The following NEGR1 variants were observed in gnomAD, a reference collection of about 807,000 sequenced individuals.
The protein encoded by NEGR1 is IgLON family member 4.
Under a neutral mutation model 40.9 loss-of-function variants are expected in NEGR1, and 10 were observed. The ratio of observed to expected loss-of-function variants is 0.24; its 90% CI spans 0.15 to 0.42. NEGR1 has a LOEUF of 0.42. Ranked by LOEUF, NEGR1 falls within the 10% of genes least tolerant of loss-of-function variation. The pLI is 1.00. For synonymous variants in NEGR1, 185 were observed against 166.8 expected, an observed-to-expected ratio of 1.11 and a Z score of -0.84; for missense variants, 352 against 438.9, an observed-to-expected ratio of 0.80 and a Z score of 1.77.
chr1:71,802,839 T>G (rs560827217), intron 2 of NEGR1, among the ~76,000 whole-genome samples: 1 of 152,270 alleles, frequency 6.6e-6, no homozygotes, highest in East Asian at 1.9e-4. Context: ...GTTTCACAGG[T>G]TCATAGCTGG....
intron 6 of NEGR1, among the ~76,000 whole-genome samples, chr1:71,510,077 C>T (rs74088141): frequency 0.037 from 5,671 of 152,176 alleles, 366 homozygotes; most frequent in African/African-American, 0.13. Flanking sequence ...GAATTAATGA[C>T]CCATTAATGG....
At chr1:71,856,660 C>A (rs1205611317) in intron 2 of NEGR1, among the ~76,000 whole-genome samples, 1 of 151,936 alleles carries the variant, frequency 6.6e-6, no homozygotes, top group Admixed American at 6.6e-5. Context: ...ATCTGTCTAC[C>A]CATCCATTTA....
chr1:71,592,724 A>G (rs1570077394), intron 6 of NEGR1, 93 bp downstream of exon 6: 4 of 996,960 alleles, frequency 4.0e-6, no homozygotes, highest in Non-Finnish European at 3.0e-6. Flanking sequence ...TTGAGTTTTA[A>G]AATGAACGTA....
chr1:71,946,428 T>C (rs1469808072), intron 1 of NEGR1, among the ~76,000 whole-genome samples: 5 of 152,156 alleles, frequency 3.3e-5, no homozygotes, highest in Admixed American at 2.6e-4. Context: ...CTATAATTTC[T>C]TACTACTATC....
chr1:71,660,810 C>T (rs899778420), intron 4 of NEGR1, among the ~76,000 whole-genome samples: 25 of 152,100 alleles, frequency 1.6e-4, no homozygotes, highest in African/African-American at 5.8e-4. Context: ...ATCAACCCGT[C>T]ATCCACATTA....
intron 1 of NEGR1, among the ~76,000 whole-genome samples, chr1:72,064,146 G>A (rs927970430): frequency 1.4e-4 from 22 of 151,810 alleles, no homozygotes; most frequent in Admixed American, 4.6e-4. Context: ...CTTTTAAGTC[G>A]GATGCAGAGA....
intron 5 of NEGR1, among the ~76,000 whole-genome samples, chr1:71,597,704 C>T (rs1055451835): frequency 6.6e-5 from 10 of 151,420 alleles, no homozygotes; most frequent in Non-Finnish European, 1.0e-4. Flanking sequence ...GTCAGGAGTT[C>T]GATACCAGCC....
chr1:71,999,678 T>TATATATATACAC (rs1457710237), intron 1 of NEGR1, among the ~76,000 whole-genome samples: 1 of 49,876 alleles, frequency 2.0e-5, no homozygotes, highest in Non-Finnish European at 4.1e-5. Context: ...TATATATATA[T>TATATATATACAC]ACATACATAT....
intron 4 of NEGR1, among the ~76,000 whole-genome samples, chr1:71,655,128 C>T (rs1217319673): frequency 6.6e-6 from 1 of 152,112 alleles, no homozygotes; most frequent in Non-Finnish European, 1.5e-5. Context: ...TGCTTGTATT[C>T]ATTTATTCAA....
chr1:72,235,183 A>G (rs1328718947), intron 1 of NEGR1, among the ~76,000 whole-genome samples: 1 of 152,156 alleles, frequency 6.6e-6, no homozygotes, highest in African/African-American at 2.4e-5. Context: ...GTATCACCGC[A>G]AATTTCAGAA....
At chr1:71,812,771 AATTTGTTTAAAGTCCTTGTAG>A (rs1221941510) in intron 2 of NEGR1, among the ~76,000 whole-genome samples, 3 of 151,762 alleles carry the variant, frequency 2.0e-5, no homozygotes, top group Non-Finnish European at 4.4e-5. Context: ...TTTTCTTGTA[AATTTGTTTAAAGTCCTTGTAG>A]ATCCCAGATA....
At chr1:72,206,889 G>C (rs1361263241) in intron 1 of NEGR1, among the ~76,000 whole-genome samples, 1 of 151,906 alleles carries the variant, frequency 6.6e-6, no homozygotes, top group Non-Finnish European at 1.5e-5. Flanking sequence ...AAATATCAAA[G>C]AGATTGCAGT....
At chr1:72,010,967 T>G (rs941882035) in intron 1 of NEGR1, among the ~76,000 whole-genome samples, 2 of 151,418 alleles carry the variant, frequency 1.3e-5, no homozygotes, top group East Asian at 3.9e-4. Flanking sequence ...AGAATTTTAG[T>G]GCAATTAACA....
chr1:71,775,844 G>C (rs1017133287), intron 3 of NEGR1, among the ~76,000 whole-genome samples: 1 of 151,536 alleles, frequency 6.6e-6, no homozygotes, highest in Admixed American at 6.6e-5. Context: ...TACAAAAAAA[G>C]TAGCCAGATG....
chr1:72,011,180 A>G (rs1646654289), intron 1 of NEGR1, among the ~76,000 whole-genome samples: 1 of 152,140 alleles, frequency 6.6e-6, no homozygotes, highest in African/African-American at 2.4e-5. Context: ...GCTGATGAAC[A>G]TTCTGAGACT....
At chr1:71,750,058 A>G (rs1240322336) in intron 3 of NEGR1, among the ~76,000 whole-genome samples, 1 of 149,714 alleles carries the variant, frequency 6.7e-6, no homozygotes. Context: ...CAGTGGCGCA[A>G]TCTCGGCTCA....
chr1:71,797,791 C>A (rs1432072579), intron 2 of NEGR1, among the ~76,000 whole-genome samples: 1 of 152,088 alleles, frequency 6.6e-6, no homozygotes, highest in African/African-American at 2.4e-5. Flanking sequence ...ATAACATTCT[C>A]TGAGCACTGA....
intron 2 of NEGR1, among the ~76,000 whole-genome samples, chr1:71,838,048 G>A (rs7529181): frequency 0.35 from 52,923 of 151,716 alleles, 9,569 homozygotes; most frequent in East Asian, 0.62. Flanking sequence ...CATTGTTTGA[G>A]GTACATTGAA....
At chr1:71,875,752 A>T (rs1026576975) in intron 2 of NEGR1, among the ~76,000 whole-genome samples, 3 of 152,278 alleles carry the variant, frequency 2.0e-5, no homozygotes, top group Non-Finnish European at 2.9e-5. Context: ...TGAAACACTA[A>T]GCCTCAAGAT....
Sources: gnomAD v4.1 joint callset for allele counts (sites outside exome capture counted in the v4.1 genomes callset) on GRCh38, gnomAD v4.1.1 for gene constraint, MANE v1.5 for transcripts, NCBI Gene and HGNC (gene_info 2026-07-23, HGNC 2026-07-21) for gene names.